NTNG1: variants seen among roughly 807,000 people sequenced by gnomAD.
The protein encoded by NTNG1 is netrin-G1.
Under a neutral mutation model 54.0 loss-of-function variants are expected in NTNG1, and 16 were observed. The ratio of observed to expected loss-of-function variants is 0.30; its 90% CI spans 0.20 to 0.45. The LOEUF is 0.45. Among genes scored for constraint, NTNG1 ranks in the 20% least tolerant of loss-of-function variants. The pLI, the probability that NTNG1 is intolerant of heterozygous loss-of-function variation, is 1.00. For synonymous variants in NTNG1, 255 were observed against 263.1 expected, an observed-to-expected ratio of 0.97 and a Z score of 0.30; for missense variants, 530 against 678.7, an observed-to-expected ratio of 0.78 and a Z score of 2.43.
At chr1:107,344,845 AAGATAAGGTTAATT>A (rs1669117150) in intron 3 of NTNG1, among the ~76,000 whole-genome samples, 1 of 152,170 alleles carries the variant, frequency 6.6e-6, no homozygotes, top group Non-Finnish European at 1.5e-5. Flanking sequence ...TTTATCCTCA[AAGATAAGGTTAATT>A]TTTTAAACCT....
chr1:107,241,881 A>G (rs779173399), intron 2 of NTNG1, among the ~76,000 whole-genome samples: 1 of 152,134 alleles, frequency 6.6e-6, no homozygotes. Flanking sequence ...AAAATCTTGA[A>G]CTGACTTAAA....
At chr1:107,306,905 A>G (rs1666728751) in intron 2 of NTNG1, among the ~76,000 whole-genome samples, 1 of 152,198 alleles carries the variant, frequency 6.6e-6, no homozygotes, top group Non-Finnish European at 1.5e-5. Context: ...TACCTGGCCA[A>G]CAGGGGCTCC....
intron 7 of NTNG1, among the ~76,000 whole-genome samples, chr1:107,451,863 G>A (rs531242451): frequency 2.0e-5 from 3 of 152,210 alleles, no homozygotes; most frequent in East Asian, 1.9e-4. Context: ...GTAGTAAAAC[G>A]TGAAATCGTA....
At position 107,482,073 on chromosome 1, in the gene NTNG1, A is replaced by G. The variant is rs1225160516; in HGVS notation, c.*1233A>G. ...ACAACAGCAAAAAAAAAAAAAAAAA[A>G]AAAAAAAAATCTAAGTGATTGCCAA... On this transcript the variant is annotated 3_prime_UTR_variant, in exon 8 of 8. Coordinates refer to ENST00000370068, the MANE Select transcript of NTNG1 (RefSeq NM_001113226.3). 1 of 106,984 alleles carries G rather than the reference A, an allele frequency of 9.3e-6. No homozygotes were observed. The highest frequency in any genetic ancestry group is 3.3e-4 in the East Asian group (1 of 3,014). 6.6% of individuals were successfully genotyped at this position (106,984 alleles called of 1,614,324 possible). A position where few individuals can be genotyped will look rare whatever the true frequency, so the allele number is the denominator to read the frequency against.
chr1:107,311,486 T>C lies in NTNG1; in HGVS notation c.247-12796T>C, dbSNP rs117358492. ...CTCACCTGAAACCCCAGTAACTATA[T>C]CAATCACACAAATAGGCACTCTGTA... On this transcript the variant is annotated intron_variant, in intron 2 of 7. Coordinates refer to ENST00000370068, the MANE Select transcript of NTNG1 (RefSeq NM_001113226.3). Among the ~76,000 whole-genome samples the C allele has an allele frequency of 7.7e-4, 118 of 152,302 alleles. 2 individuals are homozygous for C. In the East Asian group the frequency reaches 0.022, roughly 29 times the overall value.
At position 107,324,440 on chromosome 1, in the gene NTNG1, T is replaced by C. The variant is rs1667829380; in HGVS notation, c.405T>C (p.Thr135=). ...EYPKPLQVNI[T]LSWSKTIELT... Reference sequence around the variant, plus strand: ...CCAAGCCTCTCCAGGTTAACATCACTCTGTCTTGGAGCAAAACCATTGAGC... The same window carrying C: ...CCAAGCCTCTCCAGGTTAACATCACCCTGTCTTGGAGCAAAACCATTGAGC... The change falls in exon 3 of 8, where the codon ACT becomes ACC. Residue 135 remains threonine, a synonymous_variant. Coordinates refer to ENST00000370068, the MANE Select transcript of NTNG1 (RefSeq NM_001113226.3). 3.1e-6 allele frequency: 5 copies of C among 1,613,850 alleles called. No homozygotes were observed. The highest frequency in any genetic ancestry group is 4.2e-6 in the Non-Finnish European group (5 of 1,179,850).
chr1:107,164,762 A>G (rs10082001), intron 2 of NTNG1, among the ~76,000 whole-genome samples: 59,010 of 152,092 alleles, frequency 0.39, 11,604 homozygotes, highest in South Asian at 0.43. Context: ...GCTGTTAGAA[A>G]CAAAACGCTT....
chr1:107,178,950 A>C (rs1006892831), intron 2 of NTNG1, among the ~76,000 whole-genome samples: 2 of 152,176 alleles, frequency 1.3e-5, no homozygotes, highest in South Asian at 2.1e-4. Flanking sequence ...GTGGTAGATC[A>C]ATGTCGCTGC....
rs182925657 is a variant in NTNG1 at position 107,336,064 on chromosome 1, C to A, written c.887+11142C>A. On this transcript the variant is annotated intron_variant, in intron 3 of 7. Coordinates refer to ENST00000370068, the MANE Select transcript of NTNG1 (RefSeq NM_001113226.3). ...TCAAAATCCCATTGACGATATTTTC[C>A]GAAATAGAAAACTTCATGCTAAAAT... is the stretch of plus-strand genomic sequence containing the variant. Among the ~76,000 whole-genome samples the A allele has an allele frequency of 1.4e-3, 210 of 151,726 alleles. 1 individual carries two copies. The highest frequency in any genetic ancestry group is 4.8e-3 in the African/African-American group (197 of 41,410).
chr1:107,312,597 G>C (rs1267762938), intron 2 of NTNG1, among the ~76,000 whole-genome samples: 2 of 152,118 alleles, frequency 1.3e-5, no homozygotes, highest in Non-Finnish European at 2.9e-5. Context: ...ATACCAGTGC[G>C]AATTGAAGTG....
At position 107,148,507 on chromosome 1, in the gene NTNG1, G is replaced by A. The variant is rs1654306658; in HGVS notation, c.-87G>A. 1.5e-5 allele frequency: 18 copies of A among 1,196,608 alleles called. No homozygotes were observed. In the South Asian group the frequency reaches 2.1e-4, roughly 14 times the overall value. The allele number at this position is 1,196,608 out of a possible 1,614,324, so 74.1% of individuals were successfully genotyped here. On this transcript the variant is annotated 5_prime_UTR_variant, in exon 2 of 8. It adds an upstream start codon to the 5' untranslated region. Transcript: ENST00000370068. The stretch of plus-strand genomic sequence containing the variant: ...CCTACCCGTACGCATACATACATAT[G>A]TGTATATATATGTAAACTAGACAAA...
intron 5 of NTNG1, among the ~76,000 whole-genome samples, chr1:107,419,243 T>TCG (rs1413870493): frequency 6.6e-6 from 1 of 150,422 alleles, no homozygotes; most frequent in African/African-American, 2.4e-5. Context: ...CTCCCTCCTC[T>TCG]CTCTCTCTCT....
chr1:107,334,003 G>A (rs1323168322), intron 3 of NTNG1: 1 of 151,828 alleles, frequency 6.6e-6, no homozygotes. Flanking sequence ...GAAATGCCAA[G>A]TGGTACAATC....
intron 1 of NTNG1, among the ~76,000 whole-genome samples, chr1:107,141,793 C>G (rs975173498): frequency 2.0e-5 from 3 of 152,194 alleles, no homozygotes; most frequent in African/African-American, 7.2e-5. Flanking sequence ...CCCGCGCTCT[C>G]CCTCTCTCAC....
chr1:107,370,405 C>T (rs1289573835), intron 3 of NTNG1, among the ~76,000 whole-genome samples: 1 of 151,698 alleles, frequency 6.6e-6, no homozygotes, highest in Non-Finnish European at 1.5e-5. Flanking sequence ...TACTTGGTTA[C>T]ATGAGTAAGT....
chr1:107,480,690 C>G lies in NTNG1; in HGVS notation c.1470C>G (p.Ala490=), dbSNP rs1472976923. 2.5e-6 allele frequency: 4 copies of G among 1,610,986 alleles called. No homozygotes were observed. Among genetic ancestry groups the G allele is most frequent in the Admixed American group, 1.7e-5 (1 of 59,950 alleles). The part of the protein sequence containing the change: ...CHNNVRCLCP[A]AYTGILCEKL... Reference sequence around the variant, plus strand: ...ACAACGTGCGCTGCCTGTGCCCGGCCGCATACACGGGCATCCTCTGCGAGA... The same window carrying G: ...ACAACGTGCGCTGCCTGTGCCCGGCGGCATACACGGGCATCCTCTGCGAGA... Residue 490 remains alanine, a synonymous_variant, in exon 8 of 8, where the codon GCC becomes GCG. Transcript: ENST00000370068.
intron 2 of NTNG1, among the ~76,000 whole-genome samples, chr1:107,177,612 C>G (rs149285163): frequency 2.0e-5 from 3 of 152,096 alleles, no homozygotes; most frequent in Non-Finnish European, 2.9e-5. Context: ...GGATTACAGG[C>G]GTGAACCACC....
chr1:107,172,318 T>C (rs1656309446), intron 2 of NTNG1, among the ~76,000 whole-genome samples: 1 of 152,166 alleles, frequency 6.6e-6, no homozygotes, highest in East Asian at 1.9e-4. Flanking sequence ...TAGCATAAAT[T>C]ATTAACAGCT....
intron 7 of NTNG1, among the ~76,000 whole-genome samples, chr1:107,457,101 C>T (rs753183921): frequency 1.2e-4 from 19 of 152,328 alleles, no homozygotes; most frequent in Middle Eastern, 3.4e-3. Context: ...GCTTGCCTGG[C>T]CAATGCAACC....
Sources: gnomAD v4.1 joint callset for allele counts (sites outside exome capture counted in the v4.1 genomes callset) on GRCh38, gnomAD v4.1.1 for gene constraint, MANE v1.5 for transcripts, NCBI Gene and HGNC (gene_info 2026-07-23, HGNC 2026-07-21) for gene names.